The following POTEI variants were observed in gnomAD, a reference collection of about 807,000 sequenced individuals.
POTEI encodes POTE ankyrin domain family member I, also known as POTE ankyrin domain family, member I.
Under a neutral mutation model 43.4 loss-of-function variants are expected in POTEI, and 14 were observed. The observed-to-expected ratio is 0.32, with a 90% CI of 0.21 to 0.50. The LOEUF (loss-of-function observed/expected upper bound fraction) is 0.50, where lower values mean the gene tolerates loss of function less well. POTEI is among the 20% of genes least tolerant of loss of function. The pLI is 0.98. For missense variants in POTEI, 235 were observed against 795.4 expected (o/e 0.30, Z 8.47); for synonymous variants, 95 against 297.9 (o/e 0.32, Z 7.01).
chr2:130,468,454 A>C (rs1359678006), intron 13 of POTEI, among the ~76,000 whole-genome samples: 1 of 152,306 alleles, frequency 6.6e-6, no homozygotes, highest in South Asian at 2.1e-4. Context: ...GAAACTTAAC[A>C]ACCATGGTAG....
intron 13 of POTEI, among the ~76,000 whole-genome samples, chr2:130,467,579 A>G (rs1682873604): frequency 6.8e-6 from 1 of 146,842 alleles, no homozygotes; most frequent in Non-Finnish European, 1.5e-5. Context: ...TTTATGAGGA[A>G]GACCCTAAAA....
chr2:130,468,554 T>C (rs1682930613), intron 13 of POTEI, among the ~76,000 whole-genome samples: 1 of 151,780 alleles, frequency 6.6e-6, no homozygotes, highest in South Asian at 2.1e-4. Flanking sequence ...TATGAAACCG[T>C]CAGCTCTTGT....
chr2:130,491,783 A>T (rs1683745760), intron 6 of POTEI, among the ~76,000 whole-genome samples: 1 of 105,704 alleles, frequency 9.5e-6, no homozygotes, highest in Non-Finnish European at 2.1e-5. Flanking sequence ...GTCTCCGGAG[A>T]AGCTGGGATT....
chr2:130,477,868 C>G lies in POTEI; in HGVS notation c.1481-1167G>C, dbSNP rs1224754274. Among the ~76,000 whole-genome samples, 3 of 142,312 alleles carry G rather than the reference C, an allele frequency of 2.1e-5. 1 individual carries two copies. Among genetic ancestry groups the G allele is most frequent in the Admixed American group, 7.0e-5 (1 of 14,300 alleles). The allele number at this position is 142,312 out of a possible 152,430, so 93.4% of individuals were successfully genotyped here. A position where few individuals can be genotyped will look rare whatever the true frequency, so the allele number is the denominator to read the frequency against. Reference sequence around the variant, plus strand: ...TACCATGCAGCAGCAAGAGCGGGAGCGAGGCCTGAAAGAGTGAAAGTATTT... The same window carrying G: ...TACCATGCAGCAGCAAGAGCGGGAGGGAGGCCTGAAAGAGTGAAAGTATTT... On this transcript the variant is annotated intron_variant, in intron 10 of 14. Transcript: ENST00000451531.
In POTEI at chr2:130,495,484, T is replaced by C. The variant is rs1192269273; in HGVS notation, c.1126+1068A>G. Among the ~76,000 whole-genome samples the C allele has an allele frequency of 7.2e-5, 3 of 41,724 alleles. 1 individual carries two copies. The highest frequency in any genetic ancestry group is 3.2e-4 in the Admixed American group (1 of 3,154). 27.4% of individuals were successfully genotyped at this position (41,724 alleles called of 152,430 possible). A position where few individuals can be genotyped will look rare whatever the true frequency, so the allele number is the denominator to read the frequency against. ...AAATGAAATGGAGACAGCTCTATTA[T>C]GAGCACCTTAAAGATCAAAACTACA... On this transcript the variant is annotated intron_variant, in intron 6 of 14. Transcript: ENST00000451531.
chr2:130,482,586 G>A lies in POTEI; in HGVS notation c.1410-513C>T, dbSNP rs1371577852. 1.0e-2 allele frequency among the ~76,000 whole-genome samples: 1,426 copies of A among 143,204 alleles called. 7 individuals carry two copies. The highest frequency in any genetic ancestry group is 0.037 in the African/African-American group (1,261 of 33,860). The allele number at this position is 143,204 out of a possible 152,430, so 93.9% of individuals were successfully genotyped here. On this transcript the variant is annotated intron_variant, in intron 9 of 14. Transcript: ENST00000451531. ...TGGAATCCCAAATAAAACCCAGTGC[G>A]AATTTTGTTCATAGGTTCTAATATG...
chr2:130,506,131 T>C (rs1159496814), intron 1 of POTEI, among the ~76,000 whole-genome samples: 1 of 2,906 alleles, frequency 3.4e-4, no homozygotes, highest in African/African-American at 3.8e-4. Context: ...AACAAACTGA[T>C]TTTTTTCTCA....
At chr2:130,468,920 T>A (rs939259157) in intron 13 of POTEI, among the ~76,000 whole-genome samples, 1 of 152,004 alleles carries the variant, frequency 6.6e-6, no homozygotes, top group Non-Finnish European at 1.5e-5. Context: ...ACAATATCAC[T>A]AGTATTGTAC....
chr2:130,462,346 A>AG lies in POTEI; in HGVS notation c.*469dup, dbSNP rs1234913586. 5 of 157,738 alleles carry AG rather than the reference A, an allele frequency of 3.2e-5. No homozygotes were observed. Among genetic ancestry groups the AG allele is most frequent in the African/African-American group, 5.2e-5 (2 of 38,332 alleles). 9.8% of individuals were successfully genotyped at this position (157,738 alleles called of 1,614,324 possible). A position where few individuals can be genotyped will look rare whatever the true frequency, so the allele number is the denominator to read the frequency against. ...TACACCCCAAGTTGGGGTACAAAAG[A>AG]GGGGGGCCACGAAGGCTGATCATTC... On this transcript the variant is annotated 3_prime_UTR_variant, in exon 15 of 15. Coordinates refer to ENST00000451531, the MANE Select transcript of POTEI (RefSeq NM_001277406.2).
chr2:130,496,453 C>A, intron 6 of POTEI, 99 bp downstream of exon 6: 1 of 731,792 alleles, frequency 1.4e-6, no homozygotes, highest in Non-Finnish European at 2.1e-6. Flanking sequence ...TCCCCACCTT[C>A]CCCCAGCCCA....
In POTEI at chr2:130,460,237, A is replaced by G. The variant is rs2105030881; in HGVS notation, c.*2579T>C. On this transcript the variant is annotated 3_prime_UTR_variant, in exon 15 of 15. Transcript: ENST00000451531. ...GGAGTGCTGAGATCAGACCAGCCCC[A>G]TCTCAAGTGCAAGATTGCCCAGCCT... is the stretch of plus-strand genomic sequence containing the variant. 1 of 151,738 alleles carries G rather than the reference A, an allele frequency of 6.6e-6. No individual in the cohort carries two copies. The highest frequency in any genetic ancestry group is 1.5e-5 in the Non-Finnish European group (1 of 67,996). The allele number at this position is 151,738 out of a possible 1,614,324, so 9.4% of individuals were successfully genotyped here.
At chr2:130,487,186 G>A (rs1198637769) in intron 9 of POTEI, among the ~76,000 whole-genome samples, 19 of 58,912 alleles carry the variant, frequency 3.2e-4, no homozygotes, top group African/African-American at 9.8e-4. Flanking sequence ...TGTAAAAAAT[G>A]GTTGCATACT....
intron 14 of POTEI, among the ~76,000 whole-genome samples, chr2:130,464,556 T>C (rs940066152): frequency 6.7e-5 from 10 of 149,684 alleles, no homozygotes; most frequent in Non-Finnish European, 1.3e-4. Flanking sequence ...ATATCTAACC[T>C]ATCAACCACA....
chr2:130,461,044 C>T lies in POTEI; in HGVS notation c.*1772G>A, dbSNP rs1682616527. The T allele has an allele frequency of 6.6e-6, 1 of 150,902 alleles. No individual in the cohort carries two copies. The highest frequency in any genetic ancestry group is 1.5e-5 in the Non-Finnish European group (1 of 67,974). The allele number at this position is 150,902 out of a possible 1,614,324, so 9.3% of individuals were successfully genotyped here. ...TGTATTTTCCAGGGAAGATGATAGT[C>T]TGCCCCTTCCTCTGGAAGCTCTGTA... On this transcript the variant is annotated 3_prime_UTR_variant, in exon 15 of 15. Transcript: ENST00000451531.
At chr2:130,484,347 G>C (rs939846264) in intron 9 of POTEI, among the ~76,000 whole-genome samples, 1 of 131,722 alleles carries the variant, frequency 7.6e-6, no homozygotes, top group African/African-American at 2.9e-5. Context: ...ACCTTGCCTT[G>C]ATTACCTTAG....
intron 13 of POTEI, among the ~76,000 whole-genome samples, chr2:130,467,907 A>G (rs1362982802): frequency 7.1e-6 from 1 of 139,956 alleles, no homozygotes; most frequent in East Asian, 2.1e-4. Context: ...ATAAAACCAC[A>G]GTGAGATATC....
intron 10 of POTEI, among the ~76,000 whole-genome samples, chr2:130,478,679 T>C (rs570437179): frequency 1.1e-4 from 13 of 120,564 alleles, no homozygotes; most frequent in African/African-American, 4.0e-4. Context: ...TGCTCTTTCT[T>C]TTCTGGCAGC....
At chr2:130,483,866 C>T (rs1406588278) in intron 9 of POTEI, among the ~76,000 whole-genome samples, 1 of 150,718 alleles carries the variant, frequency 6.6e-6, no homozygotes, top group Non-Finnish European at 1.5e-5. Flanking sequence ...CAGGTGTGAG[C>T]CACCATGCCC....
rs7572260 is a variant in POTEI at position 130,505,033 on chromosome 2, T to C, written c.522-1139A>G. On this transcript the variant is annotated intron_variant, in intron 1 of 14. Transcript: ENST00000451531. The stretch of plus-strand genomic sequence containing the variant: ...TTACCCAGGTGTTAAGCCCAGTACC[T>C]GTTCATTCTATTTCCTGCTTCTTTC... Among the ~76,000 whole-genome samples the C allele has an allele frequency of 4.4e-3, 631 of 144,898 alleles. 11 individuals carry two copies. Among genetic ancestry groups the C allele is most frequent in the Middle Eastern group, 0.01 (3 of 288 alleles).
Sources: gnomAD v4.1 joint callset for allele counts (sites outside exome capture counted in the v4.1 genomes callset) on GRCh38, gnomAD v4.1.1 for gene constraint, MANE v1.5 for transcripts, NCBI Gene and HGNC (gene_info 2026-07-23, HGNC 2026-07-21) for gene names.